The following GPC6 variants were observed in gnomAD, a reference collection of about 807,000 sequenced individuals.
The protein encoded by GPC6 is glypican-6.
GPC6 carries 14 observed loss-of-function variants against 55.2 expected under a neutral mutation model. That is an observed-to-expected ratio of 0.25 (90% CI 0.17 to 0.40). The LOEUF (loss-of-function observed/expected upper bound fraction) is 0.40. Among genes scored for constraint, GPC6 ranks in the 10% least tolerant of loss-of-function variants. The probability of loss-of-function intolerance (pLI) is 1.00; values close to 1 mark genes in which losing one functional copy is unlikely to be tolerated. For synonymous variants in GPC6, 278 were observed against 259.6 expected, an observed-to-expected ratio of 1.07 and a Z score of -0.68; for missense variants, 641 against 708.5, an observed-to-expected ratio of 0.90 and a Z score of 1.08.
intron 1 of GPC6, among the ~76,000 whole-genome samples, chr13:93,276,499 T>G (rs1052930700): frequency 1.2e-5 from 1 of 86,850 alleles, no homozygotes; most frequent in Non-Finnish European, 2.3e-5. Context: ...AGAGAGAGTG[T>G]GTGTGTGTGT....
intron 6 of GPC6, among the ~76,000 whole-genome samples, chr13:94,367,378 C>A (rs1879330501): frequency 6.6e-6 from 1 of 152,220 alleles, no homozygotes; most frequent in African/African-American, 2.4e-5. Context: ...AGTTCAATGT[C>A]AGACTGTGTC....
At chr13:94,206,054 C>T (rs111909664) in intron 4 of GPC6, among the ~76,000 whole-genome samples, 8 of 152,128 alleles carry the variant, frequency 5.3e-5, no homozygotes, top group East Asian at 1.9e-4. Context: ...CCCCAAATTT[C>T]GATAGGGCTG....
At chr13:93,722,355 C>A (rs1883483486) in intron 2 of GPC6, among the ~76,000 whole-genome samples, 1 of 151,700 alleles carries the variant, frequency 6.6e-6, no homozygotes, top group Non-Finnish European at 1.5e-5. Context: ...GCATCAAACC[C>A]AAACAAGAGT....
At chr13:94,275,065 A>C (rs1374685109) in intron 4 of GPC6, among the ~76,000 whole-genome samples, 1 of 152,180 alleles carries the variant, frequency 6.6e-6, no homozygotes. Context: ...ACTTTCTGGA[A>C]GAAAATACAG....
At chr13:93,743,871 T>C (rs184122251) in intron 2 of GPC6, among the ~76,000 whole-genome samples, 103 of 152,350 alleles carry the variant, frequency 6.8e-4, no homozygotes, top group African/African-American at 2.4e-3. Context: ...CTGATCAAAC[T>C]GATACTTAGA....
At chr13:93,689,020 T>A (rs2138777450) in intron 2 of GPC6, among the ~76,000 whole-genome samples, 1 of 152,180 alleles carries the variant, frequency 6.6e-6, no homozygotes, top group African/African-American at 2.4e-5. Context: ...CAGGGGAACC[T>A]AGGTCATCTC....
chr13:93,276,200 T>G (rs1877730504), intron 1 of GPC6, among the ~76,000 whole-genome samples: 3 of 151,900 alleles, frequency 2.0e-5, no homozygotes, highest in Admixed American at 2.0e-4. Flanking sequence ...TTATGTTCAG[T>G]GACCAGGGTA....
intron 1 of GPC6, among the ~76,000 whole-genome samples, chr13:93,464,818 A>G (rs892285290): frequency 6.6e-6 from 1 of 152,332 alleles, no homozygotes; most frequent in African/African-American, 2.4e-5. Context: ...CAGATCCATC[A>G]GAGGAATCAC....
At chr13:93,363,138 A>AATTTTTTTTTT (rs1881107259) in intron 1 of GPC6, among the ~76,000 whole-genome samples, 1 of 114,300 alleles carries the variant, frequency 8.7e-6, no homozygotes, top group African/African-American at 3.4e-5. Context: ...TGTTTTTTTT[A>AATTTTTTTTTT]AAATTATTAT....
At chr13:94,285,875 T>C (rs933836368) in intron 4 of GPC6, among the ~76,000 whole-genome samples, 1 of 152,162 alleles carries the variant, frequency 6.6e-6, no homozygotes, top group South Asian at 2.1e-4. Flanking sequence ...TCCAGACAGA[T>C]CTGTACATCT....
intron 2 of GPC6, among the ~76,000 whole-genome samples, chr13:93,608,117 GC>G (rs1878322854): frequency 6.6e-6 from 1 of 151,908 alleles, no homozygotes; most frequent in Non-Finnish European, 1.5e-5. Flanking sequence ...CAATACTGTA[GC>G]CCATTAGCCT....
chr13:94,031,651 G>T (rs1373792509), intron 4 of GPC6, among the ~76,000 whole-genome samples: 3 of 152,194 alleles, frequency 2.0e-5, no homozygotes, highest in Admixed American at 2.0e-4. Flanking sequence ...CCTAGCTTTT[G>T]CATGCTGCCC....
chr13:93,269,489 TAAA>T (rs1234602456), intron 1 of GPC6, among the ~76,000 whole-genome samples: 1 of 152,168 alleles, frequency 6.6e-6, no homozygotes, highest in East Asian at 1.9e-4. Flanking sequence ...AACTTACAAA[TAAA>T]GAAGTAGATT....
At chr13:93,315,368 A>C (rs553716605) in intron 1 of GPC6, among the ~76,000 whole-genome samples, 1 of 152,090 alleles carries the variant, frequency 6.6e-6, no homozygotes, top group East Asian at 1.9e-4. Flanking sequence ...GAAACAATGA[A>C]ATATATTCTT....
intron 4 of GPC6, among the ~76,000 whole-genome samples, chr13:94,170,583 A>C (rs1182585375): frequency 6.6e-6 from 1 of 152,234 alleles, no homozygotes; most frequent in Non-Finnish European, 1.5e-5. Flanking sequence ...AATGTAGTTC[A>C]TTCCTTTTGG....
chr13:93,944,211 TTTA>T (rs1264742632), intron 3 of GPC6, among the ~76,000 whole-genome samples: 27 of 150,810 alleles, frequency 1.8e-4, no homozygotes, highest in Admixed American at 5.3e-4. Context: ...TATTTATTTA[TTTA>T]TTTTTTCCTG....
At chr13:93,527,907 A>G (rs16948917) in intron 1 of GPC6, among the ~76,000 whole-genome samples, 2,108 of 152,266 alleles carry the variant, frequency 0.014, 47 homozygotes, top group African/African-American at 0.042. Context: ...AGACTGTACC[A>G]TAGATCTTGT....
At chr13:93,455,090 C>G (rs993000302) in intron 1 of GPC6, among the ~76,000 whole-genome samples, 2 of 152,192 alleles carry the variant, frequency 1.3e-5, no homozygotes, top group Admixed American at 6.5e-5. Context: ...GTGCAGGGCC[C>G]GCCAAGCCCA....
chr13:93,811,214 G>A (rs1886684669), intron 2 of GPC6, among the ~76,000 whole-genome samples: 1 of 152,208 alleles, frequency 6.6e-6, no homozygotes, highest in Admixed American at 6.5e-5. Flanking sequence ...GTTAAGGCCT[G>A]TTCTTGAAAA....
Sources: allele counts gnomAD v4.1 joint callset (sites outside exome capture counted in the v4.1 genomes callset), GRCh38; gene constraint gnomAD v4.1.1; transcripts MANE v1.5; gene names NCBI Gene and HGNC (gene_info 2026-07-23, HGNC 2026-07-21).